Variants in ABCB1 observed in about 807,000 individuals in gnomAD.
The protein encoded by ABCB1 is ATP-dependent translocase ABCB1.
A neutral mutation model predicts 142.0 loss-of-function variants in ABCB1; 69 were observed. The observed-to-expected ratio is 0.49, with a 90% CI of 0.40 to 0.59. The LOEUF (loss-of-function observed/expected upper bound fraction) is 0.59, where lower values mean the gene tolerates loss of function less well. ABCB1 is among the 20% of genes least tolerant of loss of function. The probability of loss-of-function intolerance (pLI) is 0.00; values close to 1 mark genes in which losing one functional copy is unlikely to be tolerated. For synonymous variants in ABCB1, 532 were observed against 539.2 expected, an observed-to-expected ratio of 0.99 and a Z score of 0.18; for missense variants, 1,326 against 1,554.7, an observed-to-expected ratio of 0.85 and a Z score of 2.47.
At chr7:87,565,507 C>A (rs1392370640) in intron 7 of ABCB1, 2 of 449,878 alleles carry the variant, frequency 4.4e-6, no homozygotes, top group South Asian at 1.6e-5. Flanking sequence ...TTATATGCAT[C>A]CTTAGGGACT....
intron 1 of ABCB1, among the ~76,000 whole-genome samples, chr7:87,687,928 T>A (rs2130628067): frequency 6.6e-6 from 1 of 152,312 alleles, no homozygotes; most frequent in East Asian, 1.9e-4. Flanking sequence ...TGAGTTTTCT[T>A]TGTTCATTTT....
intron 1 of ABCB1, among the ~76,000 whole-genome samples, chr7:87,697,755 T>C (rs1828620422): frequency 6.6e-6 from 1 of 152,208 alleles, no homozygotes; most frequent in South Asian, 2.1e-4. Context: ...ACAACAGTAC[T>C]ATCCAGTAGG....
Position 87,595,767 on chromosome 7 carries a change from A to G in ABCB1, c.116T>C (p.Met39Thr), listed in dbSNP as rs1819177167. Residue 39 changes from methionine to threonine, a missense_variant and splice_region_variant, in exon 3 of 28, where the codon ATG becomes ACG. Physicochemically the swap from Met to Thr is moderately conservative, Grantham distance 81. Transcript: ENST00000622132. ...EKKPTVSVFS[M>T]FRYSNWLDKL... Reference sequence around the variant, plus strand: ...ATAGTTAATAAATTCAAAACTCACCATTGAAAATACACTGACAGTTGGTTT... The same window carrying G: ...ATAGTTAATAAATTCAAAACTCACCGTTGAAAATACACTGACAGTTGGTTT... The G allele has an allele frequency of 6.2e-7, 1 of 1,607,170 alleles. No homozygotes were observed.
intron 1 of ABCB1, among the ~76,000 whole-genome samples, chr7:87,607,789 GC>G (rs1379787523): frequency 6.6e-6 from 1 of 152,044 alleles, no homozygotes; most frequent in Admixed American, 6.6e-5. Context: ...TCACTATGTG[GC>G]AAGTACTTTG....
chr7:87,614,588 G>C (rs1436217749), intron 1 of ABCB1, among the ~76,000 whole-genome samples: 2 of 152,128 alleles, frequency 1.3e-5, no homozygotes, highest in African/African-American at 4.8e-5. Context: ...ATTAAATAAA[G>C]ATATTTTTCA....
chr7:87,614,522 C>G (rs1819967441), intron 1 of ABCB1, among the ~76,000 whole-genome samples: 1 of 152,194 alleles, frequency 6.6e-6, no homozygotes, highest in Non-Finnish European at 1.5e-5. Context: ...TGATAGATTA[C>G]AGCATCTTCT....
Position 87,541,349 on chromosome 7 carries a change from A to C in ABCB1, c.2319+8T>G. 1 of 1,482,740 alleles carries C rather than the reference A, an allele frequency of 6.7e-7. No individual in the cohort carries two copies. Among genetic ancestry groups the C allele is most frequent in the Non-Finnish European group, 9.4e-7 (1 of 1,061,004 alleles). 91.8% of individuals were successfully genotyped at this position (1,482,740 alleles called of 1,614,324 possible). A position where few individuals can be genotyped will look rare whatever the true frequency, so the allele number is the denominator to read the frequency against. On this transcript the variant is annotated splice_region_variant and intron_variant, in intron 18 of 27. Coordinates refer to ENST00000622132, the MANE Select transcript of ABCB1 (RefSeq NM_001348946.2). ...CAAAATGAATATAGTGAAAATGGAAACATTTACCTGAAGGAAAAATGTAAT... is the reference window on the plus strand; with the variant it reads ...CAAAATGAATATAGTGAAAATGGAACCATTTACCTGAAGGAAAAATGTAAT...
At chr7:87,600,392 T>C (rs1819400900) in intron 1 of ABCB1, among the ~76,000 whole-genome samples, 1 of 152,150 alleles carries the variant, frequency 6.6e-6, no homozygotes, top group Non-Finnish European at 1.5e-5. Context: ...AAGGCAGAGT[T>C]GGGGGTCTGG....
intron 1 of ABCB1, 111 bp from the exon 2 acceptor site, chr7:87,600,301 C>G (rs1819396041): frequency 2.3e-6 from 2 of 856,898 alleles, no homozygotes; most frequent in East Asian, 5.3e-5. Flanking sequence ...AGGGAGCGCC[C>G]GCCGTTGATG....
intron 9 of ABCB1, among the ~76,000 whole-genome samples, chr7:87,553,317 C>CTTTTTT (rs941637830): frequency 7.1e-5 from 8 of 112,660 alleles, no homozygotes; most frequent in African/African-American, 1.1e-4. Flanking sequence ...TTTTTTTCCA[C>CTTTTTT]TTTTTTTTTT....
At chr7:87,704,610 A>C (rs1829427549) in intron 1 of ABCB1, among the ~76,000 whole-genome samples, 1 of 152,226 alleles carries the variant, frequency 6.6e-6, no homozygotes, top group Non-Finnish European at 1.5e-5. Flanking sequence ...TATCTAGCAG[A>C]GAGTTAATAT....
At chr7:87,665,044 A>G (rs764322761) in intron 1 of ABCB1, among the ~76,000 whole-genome samples, 2 of 152,148 alleles carry the variant, frequency 1.3e-5, no homozygotes, top group African/African-American at 2.4e-5. Flanking sequence ...AGAACATGAC[A>G]AGGGAATCCA....
At chr7:87,562,924 C>A (rs1003711189) in intron 7 of ABCB1, among the ~76,000 whole-genome samples, 16 of 152,078 alleles carry the variant, frequency 1.1e-4, no homozygotes, top group Non-Finnish European at 1.9e-4. Context: ...CACATAGAAA[C>A]CCCATCTCTA....
At position 87,550,284 on chromosome 7, in the gene ABCB1, G is replaced by T; in HGVS notation, c.1237C>A (p.Leu413Met). 6.2e-7 allele frequency: 1 copy of T among 1,614,126 alleles called. No individual in the cohort carries two copies. The highest frequency in any genetic ancestry group is 8.5e-7 in the Non-Finnish European group (1 of 1,180,032). The change falls in exon 12 of 28, where the codon CTG (leucine) becomes ATG (methionine). Residue 413 changes from leucine (L) to methionine (M), a missense_variant. Physicochemically the swap from Leu to Met is conservative, Grantham distance 15. Transcript: ENST00000622132. Reference sequence around the variant, plus strand: ...TGCCCACTCTGCACCTTCAGGTTCAGACCCTTCAAGATCTACCAGGACGAG... The same window carrying T: ...TGCCCACTCTGCACCTTCAGGTTCATACCCTTCAAGATCTACCAGGACGAG... ...SRKEVKILKG[L>M]NLKVQSGQTV...
At chr7:87,587,485 G>A (rs1158886879) in intron 3 of ABCB1, among the ~76,000 whole-genome samples, 2 of 152,298 alleles carry the variant, frequency 1.3e-5, no homozygotes, top group South Asian at 2.1e-4. Flanking sequence ...ACAGTGTATA[G>A]AATAGACACA....
intron 17 of ABCB1, among the ~76,000 whole-genome samples, chr7:87,542,976 C>T (rs1294772002): frequency 2.0e-5 from 3 of 152,118 alleles, no homozygotes; most frequent in East Asian, 1.9e-4. Context: ...ATCACATTCT[C>T]GGAATTTTTT....
intron 20 of ABCB1, among the ~76,000 whole-genome samples, chr7:87,533,925 A>T (rs1269733274): frequency 2.0e-5 from 3 of 152,116 alleles, no homozygotes; most frequent in Non-Finnish European, 1.5e-5. Flanking sequence ...TGAGTGGCTC[A>T]TATAAGGTGA....
chr7:87,628,540 C>T, intron 1 of ABCB1: 1 of 296,634 alleles, frequency 3.4e-6, no homozygotes, highest in Non-Finnish European at 6.2e-6. Flanking sequence ...CAGGCGCAGC[C>T]CGGCAGTCGG....
chr7:87,585,183 G>A (rs1465241970), intron 4 of ABCB1, among the ~76,000 whole-genome samples: 1 of 152,070 alleles, frequency 6.6e-6, no homozygotes, highest in Non-Finnish European at 1.5e-5. Context: ...TGTTCAATCT[G>A]TTAGGAAATC....
Sources: gnomAD v4.1 joint callset for allele counts (sites outside exome capture counted in the v4.1 genomes callset) on GRCh38, gnomAD v4.1.1 for gene constraint, MANE v1.5 for transcripts, NCBI Gene and HGNC (gene_info 2026-07-23, HGNC 2026-07-21) for gene names.